The following NOL4 variants were observed in gnomAD, a reference collection of about 807,000 sequenced individuals.
The protein encoded by NOL4 is cancer/testis antigen 125.
Under a neutral mutation model 75.9 loss-of-function variants are expected in NOL4, and 17 were observed. That is an observed-to-expected ratio of 0.22 (90% CI 0.15 to 0.34). NOL4 has a LOEUF of 0.34. Among genes scored for constraint, NOL4 ranks in the 10% least tolerant of loss-of-function variants. The pLI is 1.00. For missense variants in NOL4, 614 were observed against 793.5 expected (o/e 0.77, Z 2.72); for synonymous variants, 292 against 289.9 (o/e 1.01, Z -0.07).
chr18:34,025,484 C>A (rs2075294571), intron 5 of NOL4, among the ~76,000 whole-genome samples: 1 of 152,110 alleles, frequency 6.6e-6, no homozygotes, highest in African/African-American at 2.4e-5. Flanking sequence ...AAGAGTATCA[C>A]CCTGGGAAGA....
At chr18:33,881,784 A>T (rs1452361121) in intron 10 of NOL4, among the ~76,000 whole-genome samples, 1 of 152,188 alleles carries the variant, frequency 6.6e-6, no homozygotes, top group Non-Finnish European at 1.5e-5. Context: ...TGGAGGCATC[A>T]TGCTACCTGA....
chr18:33,894,830 G>A (rs1361127443), intron 9 of NOL4, among the ~76,000 whole-genome samples: 1 of 152,054 alleles, frequency 6.6e-6, no homozygotes, highest in African/African-American at 2.4e-5. Context: ...GCCAGTGTGG[G>A]GAGACATGGA....
At chr18:33,961,297 T>C (rs567694993) in intron 6 of NOL4, among the ~76,000 whole-genome samples, 55 of 152,240 alleles carry the variant, frequency 3.6e-4, no homozygotes, top group African/African-American at 1.2e-3. Context: ...AAACGGATTG[T>C]TCTTCACAGT....
intron 6 of NOL4, among the ~76,000 whole-genome samples, chr18:33,984,721 A>G (rs924346264): frequency 2.0e-5 from 3 of 152,178 alleles, no homozygotes; most frequent in African/African-American, 4.8e-5. Flanking sequence ...GTGTGAGTCA[A>G]TTAAAGCTCT....
At chr18:34,184,534 G>T (rs1304117414) in intron 1 of NOL4, among the ~76,000 whole-genome samples, 1 of 152,070 alleles carries the variant, frequency 6.6e-6, no homozygotes, top group African/African-American at 2.4e-5. Flanking sequence ...GAGTGGTTAT[G>T]ATGGAAAAGG....
chr18:34,216,843 A>G (rs1304457119), intron 1 of NOL4, among the ~76,000 whole-genome samples: 1 of 151,990 alleles, frequency 6.6e-6, no homozygotes, highest in Non-Finnish European at 1.5e-5. Flanking sequence ...AGGAATAAAT[A>G]TCTTTGAGAA....
chr18:34,015,911 T>C (rs1010946905), intron 6 of NOL4, among the ~76,000 whole-genome samples: 31 of 152,240 alleles, frequency 2.0e-4, no homozygotes, highest in African/African-American at 7.5e-4. Flanking sequence ...TTGCTTTCCA[T>C]ATTCAATAAA....
At chr18:33,966,095 A>T (rs2070560935) in intron 6 of NOL4, among the ~76,000 whole-genome samples, 3 of 152,160 alleles carry the variant, frequency 2.0e-5, no homozygotes, top group Admixed American at 2.0e-4. Context: ...AACAACATTT[A>T]AGAAGCACTA....
intron 1 of NOL4, 129 bp downstream of exon 1, chr18:34,222,861 G>C: frequency 8.0e-7 from 1 of 1,243,860 alleles, no homozygotes; most frequent in Non-Finnish European, 1.1e-6. Flanking sequence ...TGGGGAGGGG[G>C]TTGAGGAAGG....
chr18:34,058,204 G>A (rs545130644), intron 5 of NOL4, among the ~76,000 whole-genome samples: 16 of 152,192 alleles, frequency 1.1e-4, no homozygotes, highest in African/African-American at 3.9e-4. Context: ...CACGATCTCG[G>A]CTCACTGCAA....
intron 9 of NOL4, among the ~76,000 whole-genome samples, chr18:33,919,728 A>T (rs2066921466): frequency 6.6e-6 from 1 of 152,194 alleles, no homozygotes; most frequent in African/African-American, 2.4e-5. Flanking sequence ...GTGTAATTAC[A>T]GTGGGCTCCA....
At chr18:34,107,317 T>C (rs1250464844) in intron 2 of NOL4, among the ~76,000 whole-genome samples, 1 of 152,166 alleles carries the variant, frequency 6.6e-6, no homozygotes, top group African/African-American at 2.4e-5. Context: ...TGTTCATGTA[T>C]ACATGTGTGC....
At chr18:34,192,404 A>G (rs958348697) in intron 1 of NOL4, among the ~76,000 whole-genome samples, 2 of 152,204 alleles carry the variant, frequency 1.3e-5, no homozygotes, top group Admixed American at 6.5e-5. Flanking sequence ...AAAATAGCCA[A>G]AGCAATCTTG....
chr18:33,862,975 T>G (rs1479473405), intron 10 of NOL4, among the ~76,000 whole-genome samples: 5 of 152,198 alleles, frequency 3.3e-5, no homozygotes, highest in Non-Finnish European at 4.4e-5. Flanking sequence ...TGCACACGTA[T>G]GTTTATTGCG....
At chr18:33,886,756 C>T (rs1327082175) in intron 9 of NOL4, among the ~76,000 whole-genome samples, 2 of 140,564 alleles carry the variant, frequency 1.4e-5, no homozygotes, top group African/African-American at 5.3e-5. Context: ...TCATGTACCT[C>T]ATATATAGAT....
At chr18:33,935,496 T>G (rs1300249611) in intron 9 of NOL4, among the ~76,000 whole-genome samples, 1 of 152,060 alleles carries the variant, frequency 6.6e-6, no homozygotes, top group African/African-American at 2.4e-5. Context: ...TTCTTTGTCT[T>G]AATTTGGCAT....
chr18:34,116,808 G>GA (rs991520826), intron 2 of NOL4, among the ~76,000 whole-genome samples: 2 of 152,020 alleles, frequency 1.3e-5, no homozygotes, highest in African/African-American at 4.8e-5. Context: ...CAAATTAAGA[G>GA]AAAAAAATAA....
chr18:33,963,255 T>C (rs2070297949), intron 6 of NOL4, among the ~76,000 whole-genome samples: 1 of 152,168 alleles, frequency 6.6e-6, no homozygotes, highest in Admixed American at 6.6e-5. Flanking sequence ...CCAACACATA[T>C]CCCTCACAGA....
chr18:34,202,700 T>A (rs959921438), intron 1 of NOL4, among the ~76,000 whole-genome samples: 7 of 151,994 alleles, frequency 4.6e-5, no homozygotes, highest in African/African-American at 1.7e-4. Context: ...TTTGTGTTAG[T>A]GACAGTTATC....
Sources: gnomAD v4.1 joint callset for allele counts (sites outside exome capture counted in the v4.1 genomes callset) on GRCh38, gnomAD v4.1.1 for gene constraint, MANE v1.5 for transcripts, NCBI Gene and HGNC (gene_info 2026-07-23, HGNC 2026-07-21) for gene names.